PREX1: variants seen among roughly 807,000 people sequenced by gnomAD.
PREX1 encodes the protein phosphatidylinositol 3,4,5-trisphosphate-dependent Rac exchanger 1 protein.
In PREX1, 41 loss-of-function variants were observed where a neutral mutation model predicts 198.3. That is an observed-to-expected ratio of 0.21 (90% CI 0.16 to 0.27). The LOEUF (loss-of-function observed/expected upper bound fraction) is 0.27, where lower values mean the gene tolerates loss of function less well. PREX1 is among the 10% of genes least tolerant of loss of function. The probability of loss-of-function intolerance (pLI) is 1.00; values close to 1 mark genes in which losing one functional copy is unlikely to be tolerated. For synonymous variants in PREX1, 843 were observed against 887.2 expected (o/e 0.95, Z 0.89); for missense variants, 1,620 against 2,200.7 (o/e 0.74, Z 5.28).
intron 25 of PREX1, among the ~76,000 whole-genome samples, chr20:48,648,939 C>CA (rs34568835): frequency 0.27 from 40,619 of 152,020 alleles, 5,574 homozygotes; most frequent in South Asian, 0.42. Context: ...ACAGCTGCCT[C>CA]CTTTCTATGA....
chr20:48,721,363 T>C (rs1221260475), intron 5 of PREX1, among the ~76,000 whole-genome samples: 1 of 152,130 alleles, frequency 6.6e-6, no homozygotes, highest in African/African-American at 2.4e-5. Flanking sequence ...CAGAGGCAGC[T>C]CCTCTATCGC....
the PREX1 span, among the ~76,000 whole-genome samples, chr20:48,861,704 G>T: frequency 6.6e-6 from 1 of 152,108 alleles, no homozygotes; most frequent in Non-Finnish European, 1.5e-5. Flanking sequence ...CTATCTCTGA[G>T]ACTCTCCTTT....
At chr20:48,806,097 G>A (rs2090410645) in intron 1 of PREX1, among the ~76,000 whole-genome samples, 1 of 152,134 alleles carries the variant, frequency 6.6e-6, no homozygotes, top group African/African-American at 2.4e-5. Flanking sequence ...CCTGCTTCAT[G>A]ACAGTAGCAG....
At chr20:48,883,027 G>A in the PREX1 span, among the ~76,000 whole-genome samples, 35 of 150,054 alleles carry the variant, frequency 2.3e-4, no homozygotes, top group South Asian at 8.5e-4. Flanking sequence ...TCAGCCTCCC[G>A]GGTTCAAGCG....
intron 1 of PREX1, among the ~76,000 whole-genome samples, chr20:48,749,908 C>CTT (rs148413022): frequency 6.6e-6 from 1 of 151,930 alleles, no homozygotes; most frequent in Non-Finnish European, 1.5e-5. Context: ...GTTAAATCCC[C>CTT]TTTTTTTATG....
rs1004605725 is a variant in PREX1 at position 48,797,778 on chromosome 20, C to T, written c.219+29864G>A. ...GCTCTGTCCCGACTTTCCCGGCCAG[C>T]GGCACATCCACTTTGCACCCCGCTG... On this transcript the variant is annotated intron_variant, in intron 1 of 39. Transcript: ENST00000371941. 5.3e-5 allele frequency among the ~76,000 whole-genome samples: 8 copies of T among 152,208 alleles called. 1 individual carries two copies. The South Asian group carries it at 1.0e-3, about 20-fold the overall frequency.
chr20:48,729,508 A>T (rs183374357), intron 4 of PREX1, among the ~76,000 whole-genome samples: 38 of 152,236 alleles, frequency 2.5e-4, no homozygotes, highest in Middle Eastern at 3.4e-3. Flanking sequence ...AGGTATCTTA[A>T]GCCTCACACA....
intron 30 of PREX1, among the ~76,000 whole-genome samples, chr20:48,638,042 C>T (rs976141465): frequency 1.3e-5 from 2 of 152,196 alleles, no homozygotes; most frequent in South Asian, 2.1e-4. Context: ...CCCTGCCCCA[C>T]ACCTTGTTCA....
At chr20:48,704,681 G>A (rs544915280) in intron 6 of PREX1, among the ~76,000 whole-genome samples, 5 of 152,074 alleles carry the variant, frequency 3.3e-5, no homozygotes, top group South Asian at 4.1e-4. Context: ...GCAGTCTCCC[G>A]AGTAACTGGG....
intron 3 of PREX1, among the ~76,000 whole-genome samples, chr20:48,740,409 G>A (rs891159584): frequency 1.3e-5 from 2 of 152,210 alleles, no homozygotes; most frequent in African/African-American, 4.8e-5. Context: ...TGTCTGAGGC[G>A]GTACACCCAC....
intron 15 of PREX1, among the ~76,000 whole-genome samples, chr20:48,662,383 C>T (rs2089603697): frequency 6.6e-6 from 1 of 152,240 alleles, no homozygotes. Flanking sequence ...AATACCTTTC[C>T]CTCGAGGCTG....
intron 15 of PREX1, among the ~76,000 whole-genome samples, chr20:48,663,094 C>T (rs1255375656): frequency 6.6e-6 from 1 of 152,178 alleles, no homozygotes; most frequent in Admixed American, 6.5e-5. Flanking sequence ...CCCTTACCTG[C>T]CCACCTCAGC....
At chr20:48,874,558 GC>G in the PREX1 span, among the ~76,000 whole-genome samples, 1 of 152,058 alleles carries the variant, frequency 6.6e-6, no homozygotes, top group African/African-American at 2.4e-5. Context: ...GAAACCAGGA[GC>G]CTCTCTTGAA....
At chr20:48,753,160 A>G (rs1181590240) in intron 1 of PREX1, among the ~76,000 whole-genome samples, 12 of 152,178 alleles carry the variant, frequency 7.9e-5, no homozygotes, top group Non-Finnish European at 2.9e-5. Context: ...AAGCCACATC[A>G]TAATTGATTA....
chr20:48,770,980 G>A (rs2090232815), intron 1 of PREX1, among the ~76,000 whole-genome samples: 4 of 152,112 alleles, frequency 2.6e-5, no homozygotes, highest in Admixed American at 2.6e-4. Flanking sequence ...GGGGCACCAG[G>A]TTTAGAAGGT....
chr20:48,660,614 A>G (rs1397266347), intron 15 of PREX1, among the ~76,000 whole-genome samples: 5 of 152,246 alleles, frequency 3.3e-5, no homozygotes, highest in African/African-American at 1.2e-4. Context: ...CCTAGAGAAG[A>G]AAAGGAGTCT....
chr20:48,638,518 G>A (rs2089383924), intron 30 of PREX1, among the ~76,000 whole-genome samples: 1 of 152,192 alleles, frequency 6.6e-6, no homozygotes, highest in Non-Finnish European at 1.5e-5. Flanking sequence ...ATGTGGAAGG[G>A]CTTTGGATTT....
intron 1 of PREX1, among the ~76,000 whole-genome samples, chr20:48,756,343 C>G (rs1367824197): frequency 6.6e-5 from 10 of 152,234 alleles, no homozygotes; most frequent in Admixed American, 5.9e-4. Flanking sequence ...CAGAGAGCCA[C>G]TGGCTCAGAA....
At chr20:48,885,784 C>T in the PREX1 span, among the ~76,000 whole-genome samples, 1 of 152,152 alleles carries the variant, frequency 6.6e-6, no homozygotes, top group Non-Finnish European at 1.5e-5. Context: ...ATGCATATTA[C>T]TAAGCAAAAG....
Sources: gnomAD v4.1 joint callset for allele counts (sites outside exome capture counted in the v4.1 genomes callset) on GRCh38, gnomAD v4.1.1 for gene constraint, MANE v1.5 for transcripts, NCBI Gene and HGNC (gene_info 2026-07-23, HGNC 2026-07-21) for gene names.